The following HUNK variants were observed in gnomAD, a reference collection of about 807,000 sequenced individuals.
HUNK encodes hormonally up-regulated Neu-associated kinase, also known as hormonally up-regulated neu tumor-associated kinase.
In HUNK, 21 loss-of-function variants were observed where a neutral mutation model predicts 61.0. The ratio of observed to expected loss-of-function variants is 0.34; its 90% CI spans 0.24 to 0.50. HUNK has a LOEUF of 0.50. Among genes scored for constraint, HUNK ranks in the 20% least tolerant of loss-of-function variants. HUNK has a pLI of 0.98. For synonymous variants in HUNK, 371 were observed against 386.1 expected, an observed-to-expected ratio of 0.96 and a Z score of 0.46; for missense variants, 772 against 945.7, an observed-to-expected ratio of 0.82 and a Z score of 2.41.
intron 1 of HUNK, among the ~76,000 whole-genome samples, chr21:31,905,267 T>A (rs1410043187): frequency 6.6e-6 from 1 of 152,128 alleles, no homozygotes; most frequent in Admixed American, 6.6e-5. Flanking sequence ...CTGTTACTTT[T>A]TAAAGCCACC....
chr21:31,965,121 G>T (rs987254232), intron 5 of HUNK, among the ~76,000 whole-genome samples: 1 of 152,180 alleles, frequency 6.6e-6, no homozygotes, highest in African/African-American at 2.4e-5. Context: ...GAAAAGCAGA[G>T]ATCTGTTTGA....
At position 31,924,953 on chromosome 21, in the gene HUNK, A is replaced by G. The variant is rs150116949; in HGVS notation, c.554+193A>G. ...TTCTTGTTGCCCAGGCTGGAGTGCA[A>G]TGGCGCAGTCATGGCTCACTGCAAC... On this transcript the variant is annotated intron_variant, in intron 2 of 10. Transcript: ENST00000270112. This position sits in a 1 kb window ranked among gnomAD's most constrained non-coding sequence, Gnocchi z 5.1. Among the ~76,000 whole-genome samples the G allele has an allele frequency of 0.011, 1,713 of 152,122 alleles. 32 individuals carry two copies. The highest frequency in any genetic ancestry group is 0.039 in the African/African-American group (1,602 of 41,494).
At chr21:31,907,978 G>A (rs1266877717) in intron 1 of HUNK, among the ~76,000 whole-genome samples, 1 of 151,922 alleles carries the variant, frequency 6.6e-6, no homozygotes, top group South Asian at 2.1e-4. Context: ...GTGACAGAGC[G>A]AGTCTCCATC....
At chr21:31,967,493 T>G (rs2052975473) in intron 5 of HUNK, among the ~76,000 whole-genome samples, 1 of 152,230 alleles carries the variant, frequency 6.6e-6, no homozygotes, top group Admixed American at 6.5e-5. Flanking sequence ...ATGAATTAGC[T>G]TCTTATCTCC....
chr21:31,895,843 G>A (rs935040052), intron 1 of HUNK, among the ~76,000 whole-genome samples: 2 of 152,188 alleles, frequency 1.3e-5, no homozygotes, highest in Non-Finnish European at 2.9e-5. Context: ...TATCTGTCAA[G>A]GTGTTTGCTA....
intron 1 of HUNK, among the ~76,000 whole-genome samples, chr21:31,915,044 T>G (rs2052572840): frequency 1.8e-5 from 2 of 113,028 alleles, no homozygotes; most frequent in Non-Finnish European, 3.5e-5. Flanking sequence ...AGAAGTGTTT[T>G]AGATTTGGGA....
intron 4 of HUNK, among the ~76,000 whole-genome samples, chr21:31,955,436 A>G (rs982094438): frequency 9.2e-5 from 14 of 151,832 alleles, no homozygotes; most frequent in Middle Eastern, 3.4e-3. Flanking sequence ...GAAAAAAAAA[A>G]AAAAAATAGC....
chr21:31,962,053 A>G (rs975356375), intron 5 of HUNK, among the ~76,000 whole-genome samples: 2 of 152,248 alleles, frequency 1.3e-5, no homozygotes, highest in Non-Finnish European at 2.9e-5. Flanking sequence ...AGCAGCCACC[A>G]CTTCCAACAT....
intron 1 of HUNK, among the ~76,000 whole-genome samples, chr21:31,909,789 T>G (rs1288740414): frequency 6.6e-6 from 1 of 152,236 alleles, no homozygotes; most frequent in Admixed American, 6.5e-5. Flanking sequence ...TAAATAAGTA[T>G]TGTCCACACA....
intron 1 of HUNK, among the ~76,000 whole-genome samples, chr21:31,905,322 C>T (rs1041707639): frequency 3.9e-5 from 6 of 152,208 alleles, no homozygotes; most frequent in Non-Finnish European, 5.9e-5. Flanking sequence ...GTCCTGCTCA[C>T]ACCTTGATCT....
At chr21:31,997,507 T>C (rs1447702764) in intron 10 of HUNK, among the ~76,000 whole-genome samples, 4 of 152,226 alleles carry the variant, frequency 2.6e-5, no homozygotes. Flanking sequence ...ACTGTGTGAT[T>C]CCACTTATAT....
intron 1 of HUNK, among the ~76,000 whole-genome samples, chr21:31,883,227 T>A (rs2052321811): frequency 6.6e-6 from 1 of 152,088 alleles, no homozygotes; most frequent in Non-Finnish European, 1.5e-5. Flanking sequence ...CCCTTATAAT[T>A]TATAAGGGTT....
At chr21:31,893,272 G>C (rs549893371) in intron 1 of HUNK, among the ~76,000 whole-genome samples, 1 of 152,138 alleles carries the variant, frequency 6.6e-6, no homozygotes, top group Non-Finnish European at 1.5e-5. Flanking sequence ...AGGAATGTAC[G>C]GTGGTGAATA....
Position 32,000,395 on chromosome 21 carries a change from A to G in HUNK, c.*1211A>G. ...TGTGTTTTCACACCTTTCTCCAAGG[A>G]TCGAACCAAAGATGTGTCTCCAGTA... On this transcript the variant is annotated 3_prime_UTR_variant, in exon 11 of 11. Coordinates refer to ENST00000270112, the MANE Select transcript of HUNK (RefSeq NM_014586.2). The G allele has an allele frequency of 2.5e-6, 1 of 399,086 alleles. No homozygotes were observed. The highest frequency in any genetic ancestry group is 4.4e-6 in the Non-Finnish European group (1 of 226,110). 24.7% of individuals were successfully genotyped at this position (399,086 alleles called of 1,614,324 possible).
Position 31,873,695 on chromosome 21 carries a change from C to A in HUNK, c.21C>A (p.Asp7Glu). ...GCGCGATGCCGGCGGCGGCGGGGGA[C>A]GGGCTCCTGGGGGAGCCGGCGGCGC... MPAAAG[D>E]GLLGEPAAPG... Residue 7 changes from aspartate to glutamate, a missense_variant, in exon 1 of 11, where the codon GAC (aspartate) becomes GAA (glutamate). This residue lies in a region of HUNK where 359 missense variants were observed against 501.3 expected (regional missense o/e 0.72). Transcript: ENST00000270112. The surrounding 1 kb of genome is among the most constrained non-coding windows in gnomAD (Gnocchi z 6.1). 9.1e-7 allele frequency: 1 copy of A among 1,098,340 alleles called. No homozygotes were observed. 68.0% of individuals were successfully genotyped at this position (1,098,340 alleles called of 1,614,324 possible).
At chr21:31,877,319 A>G (rs2052271104) in intron 1 of HUNK, among the ~76,000 whole-genome samples, 1 of 152,116 alleles carries the variant, frequency 6.6e-6, no homozygotes, top group South Asian at 2.1e-4. Flanking sequence ...GCTGGGAATC[A>G]CTGTCTGAGT....
chr21:31,933,097 G>C (rs1047195191), intron 2 of HUNK, among the ~76,000 whole-genome samples: 7 of 151,468 alleles, frequency 4.6e-5, no homozygotes, highest in African/African-American at 1.7e-4. Flanking sequence ...TTTATTTTTA[G>C]TAGAGACAGG....
chr21:31,998,874 A>G lies in HUNK; in HGVS notation c.1835A>G (p.His612Arg). Reference sequence around the variant, plus strand: ...CCATCCGGAAGCATGTCGCCTCTCCATACTCCTTTGCATCCAACTCTGGTC... The same window carrying G: ...CCATCCGGAAGCATGTCGCCTCTCCGTACTCCTTTGCATCCAACTCTGGTC... ...GLPSGSMSPL[H>R]TPLHPTLVSF... Residue 612 changes from histidine to arginine, a missense_variant, in exon 11 of 11, where the codon CAT becomes CGT. Around this residue, in one of 2 missense-constraint regions of HUNK, gnomAD observed 413 missense variants for 444.4 expected, o/e 0.93. Transcript: ENST00000270112. The G allele has an allele frequency of 6.2e-7, 1 of 1,614,182 alleles. No homozygotes were observed. The highest frequency in any genetic ancestry group is 8.5e-7 in the Non-Finnish European group (1 of 1,180,032).
chr21:31,932,685 TC>T (rs1322269285), intron 2 of HUNK, among the ~76,000 whole-genome samples: 1 of 152,078 alleles, frequency 6.6e-6, no homozygotes, highest in South Asian at 2.1e-4. Context: ...TTTGAGCATT[TC>T]TTCCTGGAAC....
Sources: allele counts gnomAD v4.1 joint callset (sites outside exome capture counted in the v4.1 genomes callset), GRCh38; gene constraint gnomAD v4.1.1; regional missense constraint gnomAD v4.1.1; non-coding constraint Gnocchi (gnomAD v3.1); transcripts MANE v1.5; gene names NCBI Gene and HGNC (gene_info 2026-07-23, HGNC 2026-07-21).